Variants in STIM1 observed in about 807,000 individuals in gnomAD.
STIM1 encodes the protein stromal interaction molecule 1.
STIM1 carries 25 observed loss-of-function variants against 74.7 expected under a neutral mutation model. That is an observed-to-expected ratio of 0.33 (90% CI 0.24 to 0.47). The LOEUF (loss-of-function observed/expected upper bound fraction) is 0.47, where lower values mean the gene tolerates loss of function less well. STIM1 is among the 20% of genes least tolerant of loss of function. The probability of loss-of-function intolerance (pLI) is 1.00; values close to 1 mark genes in which losing one functional copy is unlikely to be tolerated. For missense variants in STIM1, 728 were observed against 920.8 expected, an observed-to-expected ratio of 0.79 and a Z score of 2.71; for synonymous variants, 328 against 348.8, an observed-to-expected ratio of 0.94 and a Z score of 0.66.
Position 4,082,943 on chromosome 11 carries a change from C to G in STIM1, c.1199C>G (p.Ser400Cys). 1 of 1,614,172 alleles carries G rather than the reference C, an allele frequency of 6.2e-7. No individual in the cohort carries two copies. Among genetic ancestry groups the G allele is most frequent in the Non-Finnish European group, 8.5e-7 (1 of 1,180,028 alleles). The change falls in exon 9 of 13, where the codon TCT becomes TGT. Residue 400 changes from serine to cysteine, a missense_variant. This residue lies in a region of STIM1 where 131 missense variants were observed against 235.9 expected (regional missense o/e 0.56). Coordinates refer to ENST00000526596, the MANE Select transcript of STIM1 (RefSeq NM_001382567.1). Reference protein sequence around the residue: ...LFGTFHVAHSSSLDDVDHKIL... With the variant: ...LFGTFHVAHSCSLDDVDHKIL... Reference sequence around the variant, plus strand: ...GGCACCTTCCACGTGGCCCACAGCTCTTCCCTGGATGATGTAGATCATAAA... The same window carrying G: ...GGCACCTTCCACGTGGCCCACAGCTGTTCCCTGGATGATGTAGATCATAAA...
At chr11:3,947,518 G>A (rs939087323) in intron 1 of STIM1, 1 of 152,142 alleles carries the variant, frequency 6.6e-6, no homozygotes, top group Non-Finnish European at 1.5e-5. Flanking sequence ...TGCTGACGGG[G>A]GCCCTCTGTT....
intron 1 of STIM1, among the ~76,000 whole-genome samples, chr11:3,900,373 C>T (rs974745906): frequency 1.3e-5 from 2 of 152,336 alleles, no homozygotes; most frequent in South Asian, 4.1e-4. Flanking sequence ...AACTCCCTGA[C>T]CCCTTGCACT....
intron 2 of STIM1, among the ~76,000 whole-genome samples, chr11:3,970,343 A>G (rs1482105293): frequency 2.6e-5 from 4 of 152,186 alleles, no homozygotes; most frequent in Non-Finnish European, 4.4e-5. Context: ...CTAGGTTTGC[A>G]TGATCAATCA....
intron 3 of STIM1, among the ~76,000 whole-genome samples, chr11:4,038,694 C>T (rs1027795326): frequency 1.3e-5 from 2 of 152,060 alleles, no homozygotes; most frequent in Non-Finnish European, 2.9e-5. Flanking sequence ...TTCAGCTTAC[C>T]CTGAAACAGA....
chr11:3,992,375 C>T (rs1423942199), intron 2 of STIM1, among the ~76,000 whole-genome samples: 2 of 151,876 alleles, frequency 1.3e-5, no homozygotes, highest in African/African-American at 4.8e-5. Context: ...GATTGGGCCA[C>T]TGCACTTTAG....
intron 3 of STIM1, among the ~76,000 whole-genome samples, chr11:4,037,570 C>G (rs908026060): frequency 1.3e-5 from 2 of 152,198 alleles, no homozygotes; most frequent in Non-Finnish European, 1.5e-5. Context: ...GCTCTGAAAT[C>G]TACTTTGATA....
chr11:4,021,952 A>G (rs1002050617), intron 2 of STIM1, among the ~76,000 whole-genome samples: 4 of 151,990 alleles, frequency 2.6e-5, no homozygotes, highest in Non-Finnish European at 2.9e-5. Flanking sequence ...GCTATTGTAA[A>G]TGGGATTTTT....
chr11:3,946,965 T>C (rs2093083008), intron 1 of STIM1, among the ~76,000 whole-genome samples: 1 of 152,196 alleles, frequency 6.6e-6, no homozygotes, highest in Non-Finnish European at 1.5e-5. Flanking sequence ...AGTCCTTAAG[T>C]TCTGTATTTG....
intron 1 of STIM1, among the ~76,000 whole-genome samples, chr11:3,889,889 G>C (rs963309144): frequency 6.6e-6 from 1 of 152,112 alleles, no homozygotes; most frequent in African/African-American, 2.4e-5. Flanking sequence ...TATTGAGTGG[G>C]GAGACAGGTA....
chr11:4,059,140 G>A, intron 4 of STIM1, 141 bp from the exon 5 acceptor site: 1 of 828,908 alleles, frequency 1.2e-6, no homozygotes, highest in South Asian at 1.5e-5. Flanking sequence ...AGACCCAACT[G>A]GTATAGACTC....
intron 1 of STIM1, among the ~76,000 whole-genome samples, chr11:3,958,942 A>G (rs2135703797): frequency 7.0e-6 from 1 of 143,522 alleles, no homozygotes; most frequent in African/African-American, 2.6e-5. Context: ...CAAGAGCAAA[A>G]CTCTGTCTAA....
chr11:3,973,600 A>G (rs935361074), intron 2 of STIM1, among the ~76,000 whole-genome samples: 1 of 151,916 alleles, frequency 6.6e-6, no homozygotes, highest in Non-Finnish European at 1.5e-5. Flanking sequence ...AGGTCTTGCC[A>G]TGCTGCCCAG....
chr11:3,919,235 C>T (rs545329860), intron 1 of STIM1, among the ~76,000 whole-genome samples: 4 of 152,270 alleles, frequency 2.6e-5, no homozygotes, highest in African/African-American at 7.2e-5. Context: ...GATGGAGTTT[C>T]GCTCTTACTG....
At chr11:4,012,058 G>T (rs1565147848) in intron 2 of STIM1, among the ~76,000 whole-genome samples, 1 of 152,088 alleles carries the variant, frequency 6.6e-6, no homozygotes, top group African/African-American at 2.4e-5. Flanking sequence ...ATTTCTGAGG[G>T]CTCTGTTCTG....
intron 2 of STIM1, among the ~76,000 whole-genome samples, chr11:3,992,099 T>TTTTTTTTTTTTTTTA (rs2093621402): frequency 7.3e-6 from 1 of 137,480 alleles, no homozygotes; most frequent in Non-Finnish European, 1.6e-5. Context: ...GTTTTTTTTT[T>TTTTTTTTTTTTTTTA]TTTTTTTTTT....
At chr11:3,961,365 C>A in intron 1 of STIM1, 2 of 259,064 alleles carry the variant, frequency 7.7e-6, no homozygotes, top group South Asian at 5.3e-5. Flanking sequence ...TGAAACAACT[C>A]TATGGGCTTT....
At chr11:3,893,781 C>T (rs940063348) in intron 1 of STIM1, among the ~76,000 whole-genome samples, 2 of 152,130 alleles carry the variant, frequency 1.3e-5, no homozygotes, top group Non-Finnish European at 2.9e-5. Context: ...CTCAGCCTCC[C>T]AAGTAGCTGG....
intron 3 of STIM1, chr11:4,049,394 G>A (rs1462340832): frequency 6.7e-6 from 1 of 149,200 alleles, no homozygotes. Flanking sequence ...GCATGATCGC[G>A]GCTTATTGCA....
chr11:4,086,871 G>A (rs769211552), intron 12 of STIM1: 33 of 1,527,108 alleles, frequency 2.2e-5, no homozygotes, highest in Non-Finnish European at 2.7e-5. Context: ...GGTATCAGCT[G>A]TCTCTCTTTT....
Sources: allele counts gnomAD v4.1 joint callset (sites outside exome capture counted in the v4.1 genomes callset), GRCh38; gene constraint gnomAD v4.1.1; regional missense constraint gnomAD v4.1.1; transcripts MANE v1.5; gene names NCBI Gene and HGNC (gene_info 2026-07-23, HGNC 2026-07-21).